The following SCAPER variants were observed in gnomAD, a reference collection of about 807,000 sequenced individuals.
The protein encoded by SCAPER is S-phase cyclin A associated protein in the ER.
Under a neutral mutation model 182.2 loss-of-function variants are expected in SCAPER, and 98 were observed. The observed-to-expected ratio is 0.54, with a 90% CI of 0.46 to 0.64. The LOEUF (loss-of-function observed/expected upper bound fraction) is 0.64, where lower values mean the gene tolerates loss of function less well. SCAPER is among the 30% of genes least tolerant of loss of function. The pLI, the probability that SCAPER is intolerant of heterozygous loss-of-function variation, is 0.00. For missense variants in SCAPER, 1,432 were observed against 1,690.0 expected, an observed-to-expected ratio of 0.85 and a Z score of 2.68; for synonymous variants, 605 against 564.6, an observed-to-expected ratio of 1.07 and a Z score of -1.01.
At chr15:76,674,107 A>C (rs1347175725) in intron 20 of SCAPER, among the ~76,000 whole-genome samples, 3 of 152,174 alleles carry the variant, frequency 2.0e-5, no homozygotes, top group African/African-American at 7.2e-5. Context: ...CTCAGTAGCC[A>C]AATAGTAGAT....
chr15:76,463,290 T>C (rs1399827689), intron 25 of SCAPER, among the ~76,000 whole-genome samples: 1 of 152,164 alleles, frequency 6.6e-6, no homozygotes, highest in Non-Finnish European at 1.5e-5. Flanking sequence ...CAACTCAATA[T>C]AAAGAAACAA....
intron 21 of SCAPER, among the ~76,000 whole-genome samples, chr15:76,657,588 C>CAAAAAAAAA (rs35243291): frequency 2.3e-4 from 30 of 129,050 alleles, no homozygotes; most frequent in Non-Finnish European, 2.4e-4. Context: ...GACACAACAA[C>CAAAAAAAAA]AAAAAAAAAA....
chr15:76,651,064 A>G (rs935745402), intron 21 of SCAPER, among the ~76,000 whole-genome samples: 15 of 152,136 alleles, frequency 9.9e-5, no homozygotes, highest in African/African-American at 3.6e-4. Context: ...ATAAAAAAAG[A>G]GCTTTCAAAT....
At chr15:76,837,224 C>A (rs1161123021) in intron 5 of SCAPER, among the ~76,000 whole-genome samples, 1 of 152,060 alleles carries the variant, frequency 6.6e-6, no homozygotes, top group East Asian at 1.9e-4. Flanking sequence ...AAAAAATGGG[C>A]AAAGGACATG....
At chr15:76,423,354 G>A (rs1466226185) in intron 26 of SCAPER, among the ~76,000 whole-genome samples, 4 of 152,180 alleles carry the variant, frequency 2.6e-5, no homozygotes, top group African/African-American at 9.7e-5. Context: ...TTGGAAGGCT[G>A]TATGTGTCCA....
intron 23 of SCAPER, among the ~76,000 whole-genome samples, chr15:76,552,466 G>A (rs1349779685): frequency 6.6e-6 from 1 of 152,082 alleles, no homozygotes; most frequent in Non-Finnish European, 1.5e-5. Flanking sequence ...GGATGAAGCT[G>A]AGAACCCTGC....
chr15:76,498,407 A>G (rs2040806585), intron 24 of SCAPER: 1 of 152,242 alleles, frequency 6.6e-6, no homozygotes, highest in Admixed American at 6.5e-5. Flanking sequence ...GCCTCTACAC[A>G]ACACAAAGAG....
At chr15:76,826,612 T>C (rs1338575651) in intron 5 of SCAPER, among the ~76,000 whole-genome samples, 1 of 146,580 alleles carries the variant, frequency 6.8e-6, no homozygotes, top group Non-Finnish European at 1.5e-5. Flanking sequence ...AAAGTGCAAA[T>C]AACCCAAGTC....
chr15:76,599,262 C>T lies in SCAPER; in HGVS notation c.2711+22502G>A, dbSNP rs1210472123. Among the ~76,000 whole-genome samples the T allele has an allele frequency of 5.0e-5, 6 of 121,106 alleles. 1 individual carries two copies. Among genetic ancestry groups the T allele is most frequent in the Non-Finnish European group, 1.2e-4 (6 of 49,944 alleles). The allele number at this position is 121,106 out of a possible 152,430, so 79.5% of individuals were successfully genotyped here. On this transcript the variant is annotated intron_variant, in intron 22 of 31. Transcript: ENST00000563290. Reference sequence around the variant, plus strand: ...TGCCTAAAATTAAAAAGATTGACAACGTCAAATATTACCAAGGATATGAAA... The same window carrying T: ...TGCCTAAAATTAAAAAGATTGACAATGTCAAATATTACCAAGGATATGAAA...
At chr15:76,702,828 C>G in intron 19 of SCAPER, 22 bp downstream of exon 19, 2 of 1,578,930 alleles carry the variant, frequency 1.3e-6, no homozygotes, top group Non-Finnish European at 1.7e-6. Context: ...TATATCATTA[C>G]AATATTGATA....
chr15:76,733,745 C>T (rs967124892), intron 15 of SCAPER, among the ~76,000 whole-genome samples: 1 of 151,332 alleles, frequency 6.6e-6, no homozygotes, highest in Admixed American at 6.6e-5. Context: ...CAGAACAAGA[C>T]TCCATATCAA....
At chr15:76,610,639 C>T (rs2050894730) in intron 22 of SCAPER, among the ~76,000 whole-genome samples, 2 of 151,870 alleles carry the variant, frequency 1.3e-5, no homozygotes, top group Admixed American at 6.6e-5. Flanking sequence ...GTATAAACAA[C>T]AAACTATCTA....
At chr15:76,634,052 C>T (rs569410208) in intron 21 of SCAPER, among the ~76,000 whole-genome samples, 1 of 152,356 alleles carries the variant, frequency 6.6e-6, no homozygotes, top group Admixed American at 6.5e-5. Flanking sequence ...CTCGAGCAGC[C>T]GCCCACCTGA....
At chr15:76,574,946 C>G (rs1164851358) in intron 22 of SCAPER, among the ~76,000 whole-genome samples, 2 of 152,140 alleles carry the variant, frequency 1.3e-5, no homozygotes. Flanking sequence ...CTAATAGATG[C>G]TCACCAGATC....
intron 20 of SCAPER, among the ~76,000 whole-genome samples, chr15:76,690,595 A>G (rs2147123133): frequency 6.6e-6 from 1 of 152,290 alleles, no homozygotes; most frequent in African/African-American, 2.4e-5. Context: ...AACAGGGGAA[A>G]CTGTGCAAAG....
chr15:76,408,502 T>C (rs932403149), intron 26 of SCAPER, among the ~76,000 whole-genome samples: 1 of 152,176 alleles, frequency 6.6e-6, no homozygotes, highest in Non-Finnish European at 1.5e-5. Flanking sequence ...TTCAGACTAT[T>C]TTCCACAAGT....
In SCAPER at chr15:76,411,319, A is replaced by C. The variant is rs568944923; in HGVS notation, c.3312-6640T>G. 3.3e-5 allele frequency among the ~76,000 whole-genome samples: 5 copies of C among 152,214 alleles called. No individual in the cohort carries two copies. The East Asian group carries it at 7.7e-4, about 24-fold the overall frequency. The stretch of plus-strand genomic sequence containing the variant: ...ATCCTCCCAAACCCAAAACTTTCTG[A>C]GTATCAACATGATGCTCAAGAGAAA... On this transcript the variant is annotated intron_variant, in intron 26 of 31. Coordinates refer to ENST00000563290, the MANE Select transcript of SCAPER (RefSeq NM_020843.4).
intron 24 of SCAPER, among the ~76,000 whole-genome samples, chr15:76,485,933 T>A (rs1441462792): frequency 6.6e-6 from 1 of 151,978 alleles, no homozygotes; most frequent in Admixed American, 6.6e-5. Context: ...ATCGGCTGGG[T>A]GCAGTGGCTC....
intron 23 of SCAPER, among the ~76,000 whole-genome samples, chr15:76,544,225 T>A (rs1339472246): frequency 6.6e-6 from 1 of 152,164 alleles, no homozygotes. Context: ...AATGAAAATG[T>A]AAAGTGAAAC....
Sources: gnomAD v4.1 joint callset for allele counts (sites outside exome capture counted in the v4.1 genomes callset) on GRCh38, gnomAD v4.1.1 for gene constraint, MANE v1.5 for transcripts, NCBI Gene and HGNC (gene_info 2026-07-23, HGNC 2026-07-21) for gene names.